GLIS3: variants seen among roughly 807,000 people sequenced by gnomAD.
The protein encoded by GLIS3 is zinc finger protein GLIS3.
Under a neutral mutation model 78.6 loss-of-function variants are expected in GLIS3, and 53 were observed. The observed-to-expected ratio is 0.67, with a 90% confidence interval of 0.54 to 0.85. GLIS3 has a LOEUF of 0.85. Ranked by LOEUF, GLIS3 falls within the 40% of genes least tolerant of loss-of-function variation. GLIS3 has a pLI of 0.00. For missense variants in GLIS3, 1,703 were observed against 1,231.1 expected, an observed-to-expected ratio of 1.38 and a Z score of -5.74; for synonymous variants, 684 against 509.9, an observed-to-expected ratio of 1.34 and a Z score of -4.60.
At chr9:4,183,825 T>C (rs1057426832) in intron 2 of GLIS3, among the ~76,000 whole-genome samples, 30 of 152,228 alleles carry the variant, frequency 2.0e-4, no homozygotes, top group Admixed American at 5.2e-4. Flanking sequence ...CACAGGTTAG[T>C]TGTTTACATG....
chr9:3,851,968 C>G (rs1819461874), intron 9 of GLIS3, among the ~76,000 whole-genome samples: 1 of 152,030 alleles, frequency 6.6e-6, no homozygotes, highest in Non-Finnish European at 1.5e-5. Context: ...CATGGTGAAA[C>G]CCCATCTCTA....
chr9:4,133,985 G>A (rs1405379888), intron 2 of GLIS3, among the ~76,000 whole-genome samples: 1 of 151,886 alleles, frequency 6.6e-6, no homozygotes, highest in Non-Finnish European at 1.5e-5. Flanking sequence ...TGATTACTTC[G>A]AACTAAGGTG....
the GLIS3 span, among the ~76,000 whole-genome samples, chr9:4,434,001 C>A: frequency 6.7e-6 from 1 of 149,454 alleles, no homozygotes; most frequent in African/African-American, 2.5e-5. Flanking sequence ...GAGGCTGAGG[C>A]AGGAGAATGG....
chr9:4,235,985 G>C (rs1281068369), intron 2 of GLIS3, among the ~76,000 whole-genome samples: 2 of 151,928 alleles, frequency 1.3e-5, no homozygotes, highest in Admixed American at 6.5e-5. Context: ...TCTGAGTATG[G>C]CTCAAGCTGC....
In GLIS3 at chr9:4,033,864, T is replaced by TAAAAA. The variant is rs34745570; in HGVS notation, c.1710+83899_1710+83903dup. On this transcript the variant is annotated intron_variant, in intron 4 of 10. Coordinates refer to ENST00000381971, the MANE Select transcript of GLIS3 (RefSeq NM_001042413.2). Reference sequence around the variant, plus strand: ...TGCCCCCAAAAACATAGGCGAAGGATAAAAAAAAAAAAAAAAAAAAAAAAA... The same window carrying TAAAAA: ...TGCCCCCAAAAACATAGGCGAAGGATAAAAAAAAAAAAAAAAAAAAAAAAAAAAAA... Among the ~76,000 whole-genome samples, 111 of 67,992 alleles carry TAAAAA rather than the reference T, an allele frequency of 1.6e-3. 12 individuals carry two copies. The highest frequency in any genetic ancestry group is 5.2e-3 in the African/African-American group (84 of 16,004). The allele number at this position is 67,992 out of a possible 152,430, so 44.6% of individuals were successfully genotyped here. A position where few individuals can be genotyped will look rare whatever the true frequency, so the allele number is the denominator to read the frequency against.
chr9:3,978,388 TG>T (rs1417540992), intron 4 of GLIS3, among the ~76,000 whole-genome samples: 2 of 152,144 alleles, frequency 1.3e-5, no homozygotes, highest in Non-Finnish European at 2.9e-5. Context: ...GGAATATGTG[TG>T]TACACTTTTC....
At chr9:4,407,563 C>G in the GLIS3 span, among the ~76,000 whole-genome samples, 1 of 152,182 alleles carries the variant, frequency 6.6e-6, no homozygotes. Context: ...AGGAGAATGG[C>G]GAGAACCCGG....
intron 2 of GLIS3, among the ~76,000 whole-genome samples, chr9:4,271,379 G>T (rs1474970521): frequency 6.6e-6 from 1 of 152,060 alleles, no homozygotes; most frequent in African/African-American, 2.4e-5. Context: ...CTGCATGGGG[G>T]GTCAGCACCC....
the GLIS3 span, among the ~76,000 whole-genome samples, chr9:4,426,377 C>T: frequency 6.6e-6 from 1 of 152,212 alleles, no homozygotes; most frequent in African/African-American, 2.4e-5. Flanking sequence ...CTCTTCTTTC[C>T]TCCTTTATCT....
chr9:3,911,704 G>C (rs1276848554), intron 6 of GLIS3, among the ~76,000 whole-genome samples: 1 of 152,086 alleles, frequency 6.6e-6, no homozygotes, highest in Non-Finnish European at 1.5e-5. Flanking sequence ...CTTTACCTTA[G>C]TTTTCTTTGT....
intron 4 of GLIS3, among the ~76,000 whole-genome samples, chr9:4,105,497 G>A (rs574518808): frequency 6.6e-6 from 1 of 152,202 alleles, no homozygotes; most frequent in South Asian, 2.1e-4. Flanking sequence ...TGTATAATCA[G>A]GCAACTAAAA....
chr9:3,991,861 T>C (rs1300311523), intron 4 of GLIS3, among the ~76,000 whole-genome samples: 3 of 151,988 alleles, frequency 2.0e-5, no homozygotes, highest in Non-Finnish European at 4.4e-5. Flanking sequence ...TGGCTAATTT[T>C]TTGTATTTTT....
the GLIS3 span, among the ~76,000 whole-genome samples, chr9:4,437,213 A>G: frequency 6.6e-6 from 1 of 152,142 alleles, no homozygotes; most frequent in African/African-American, 2.4e-5. Flanking sequence ...AGAATTTGAG[A>G]TCTTTAAATA....
At chr9:3,844,087 A>T (rs954245349) in intron 9 of GLIS3, among the ~76,000 whole-genome samples, 1 of 152,166 alleles carries the variant, frequency 6.6e-6, no homozygotes, top group African/African-American at 2.4e-5. Context: ...TTTTAAGGGA[A>T]TTGGGATTGT....
At chr9:4,327,562 A>G (rs1817619292) in intron 2 of GLIS3, among the ~76,000 whole-genome samples, 1 of 152,096 alleles carries the variant, frequency 6.6e-6, no homozygotes, top group Non-Finnish European at 1.5e-5. Context: ...TTGGGTAGGA[A>G]GCATGAGAGA....
intron 9 of GLIS3, among the ~76,000 whole-genome samples, chr9:3,854,703 A>ATT (rs34986459): frequency 1.4e-5 from 2 of 147,880 alleles, no homozygotes; most frequent in East Asian, 4.0e-4. Context: ...CGCCTGGCTA[A>ATT]TTTTTTTTTT....
In GLIS3 at chr9:3,938,275, G is replaced by T. The variant is rs114554331; in HGVS notation, c.1711-1086C>A. On this transcript the variant is annotated intron_variant, in intron 4 of 10. Coordinates refer to ENST00000381971, the MANE Select transcript of GLIS3 (RefSeq NM_001042413.2). ...GGAAAAAAAGCATAATACATTTAAA[G>T]CAATTAAGAAGCCTCACTTCTTATA... Among the ~76,000 whole-genome samples, 326 of 152,268 alleles carry T rather than the reference G, an allele frequency of 2.1e-3. 2 individuals are homozygous for T. Among genetic ancestry groups the T allele is most frequent in the African/African-American group, 7.7e-3 (321 of 41,550 alleles).
intron 6 of GLIS3, among the ~76,000 whole-genome samples, chr9:3,925,487 T>C (rs1020189919): frequency 6.6e-6 from 1 of 152,188 alleles, no homozygotes; most frequent in African/African-American, 2.4e-5. Context: ...CTGTGTGAAG[T>C]GTTCTCCCCA....
chr9:4,060,988 T>C (rs1826599611), intron 4 of GLIS3, among the ~76,000 whole-genome samples: 1 of 152,160 alleles, frequency 6.6e-6, no homozygotes, highest in African/African-American at 2.4e-5. Flanking sequence ...GCCTATCTCT[T>C]GCATGCTTCC....
Sources: gnomAD v4.1 joint callset for allele counts (sites outside exome capture counted in the v4.1 genomes callset) on GRCh38, gnomAD v4.1.1 for gene constraint, MANE v1.5 for transcripts, NCBI Gene and HGNC (gene_info 2026-07-23, HGNC 2026-07-21) for gene names.